Variants in MTFR1L observed in about 807,000 individuals in gnomAD.
The protein encoded by MTFR1L is mitochondrial fission regulator 1-like.
Under a neutral mutation model 27.9 loss-of-function variants are expected in MTFR1L, and 10 were observed. The observed-to-expected ratio is 0.36, with a 90% CI of 0.22 to 0.61. The LOEUF (loss-of-function observed/expected upper bound fraction) is 0.61. MTFR1L is among the 20% of genes least tolerant of loss of function. The probability of loss-of-function intolerance (pLI) is 0.73; values close to 1 mark genes in which losing one functional copy is unlikely to be tolerated. For missense variants in MTFR1L, 315 were observed against 363.7 expected (o/e 0.87, Z 1.09); for synonymous variants, 151 against 139.4 (o/e 1.08, Z -0.58).
Position 25,832,466 on chromosome 1 carries a change from T to C in MTFR1L, c.*440T>C. 2.6e-6 allele frequency: 1 copy of C among 388,890 alleles called. No individual in the cohort carries two copies. The highest frequency in any genetic ancestry group is 4.9e-6 in the Non-Finnish European group (1 of 206,122). 24.1% of individuals were successfully genotyped at this position (388,890 alleles called of 1,614,324 possible). On this transcript the variant is annotated 3_prime_UTR_variant, in exon 7 of 7. Transcript: ENST00000374303. Reference sequence around the variant, plus strand: ...GAGGGGAAGGGGCTATGAATGTTTGTATACATGTTCACAGGGCACGGAAAA... The same window carrying C: ...GAGGGGAAGGGGCTATGAATGTTTGCATACATGTTCACAGGGCACGGAAAA...
chr1:25,826,759 T>G lies in MTFR1L; in HGVS notation c.384T>G (p.Thr128=), dbSNP rs201253378. Residue 128 remains threonine (T), a synonymous_variant, in exon 5 of 7, where the codon ACT becomes ACG. Coordinates refer to ENST00000374303, the MANE Select transcript of MTFR1L (RefSeq NM_001099625.2). The surrounding 1 kb of genome is among the most constrained non-coding windows in gnomAD (Gnocchi z 4.1). ...KKPALPALSR[T]TELQDELSHL... ...CAGCTCTGCCAGCCCTAAGCCGCAC[T>G]ACTGAGCTGCAGGACGAGCTGAGCC... 2.7e-4 allele frequency: 439 copies of G among 1,614,134 alleles called. No individual in the cohort carries two copies. Among genetic ancestry groups the G allele is most frequent in the East Asian group, 1.2e-3 (54 of 44,870 alleles).
In MTFR1L at chr1:25,832,477, A is replaced by G; in HGVS notation, c.*451A>G. ...GCTATGAATGTTTGTATACATGTTC[A>G]CAGGGCACGGAAAATCTTATGCTGC... On this transcript the variant is annotated 3_prime_UTR_variant, in exon 7 of 7. Transcript: ENST00000374303. 3.0e-6 allele frequency: 1 copy of G among 328,894 alleles called. No homozygotes were observed. The allele number at this position is 328,894 out of a possible 1,614,324, so 20.4% of individuals were successfully genotyped here. A position where few individuals can be genotyped will look rare whatever the true frequency, so the allele number is the denominator to read the frequency against.
intron 1 of MTFR1L, 82 bp from the exon 2 acceptor site, chr1:25,822,937 G>GT (rs2124471899): frequency 1.6e-6 from 2 of 1,268,788 alleles, no homozygotes; most frequent in Admixed American, 1.8e-5. Context: ...GCAGGGCCTG[G>GT]TTTTTTGGGG....
Position 25,823,738 on chromosome 1 carries a change from C to A in MTFR1L, c.119C>A (p.Ala40Glu). The A allele has an allele frequency of 1.9e-6, 3 of 1,613,824 alleles. No homozygotes were observed. Among genetic ancestry groups the A allele is most frequent in the Non-Finnish European group, 2.5e-6 (3 of 1,179,888 alleles). ...TNLPLKPCAR[A>E]SFETLPNISD... ...CTACCCTTGAAGCCGTGTGCCCGGG[C>A]GTCCTTTGAGGTGAGTATGTTGGAA... The change falls in exon 3 of 7, where the codon GCG (alanine) becomes GAG (glutamate). Residue 40 changes from alanine (A) to glutamate (E), a missense_variant. Transcript: ENST00000374303.
intron 5 of MTFR1L, among the ~76,000 whole-genome samples, chr1:25,829,270 G>C (rs72879405): frequency 0.012 from 1,884 of 152,232 alleles, 41 homozygotes; most frequent in African/African-American, 0.043. Context: ...TATGGGGCTG[G>C]GTTTTCCTGC....
Position 25,823,671 on chromosome 1 carries a change from C to G in MTFR1L, c.52C>G (p.His18Asp). The change falls in exon 3 of 7, where the codon CAT becomes GAT. Residue 18 changes from histidine (H) to aspartate (D), a missense_variant. Coordinates refer to ENST00000374303, the MANE Select transcript of MTFR1L (RefSeq NM_001099625.2). ...CATCCCAATCTGGCAAAACAAGCCA[C>G]ATGGGGCTGCTCGAAGTGTAGTAAG... is the stretch of plus-strand genomic sequence containing the variant. ...VTIPIWQNKP[H>D]GAARSVVRRI... The G allele has an allele frequency of 6.2e-7, 1 of 1,614,066 alleles. No homozygotes were observed. The highest frequency in any genetic ancestry group is 2.2e-5 in the East Asian group (1 of 44,874).
rs1482548247 is a variant in MTFR1L, at chr1:25,826,795, C to G, written c.420C>G (p.Ser140Arg). 1 of 1,614,084 alleles carries G rather than the reference C, an allele frequency of 6.2e-7. No individual in the cohort carries two copies. Among genetic ancestry groups the G allele is most frequent in the Admixed American group, 1.7e-5 (1 of 60,034 alleles). The change falls in exon 5 of 7, where the codon AGC becomes AGG. Residue 140 changes from serine (S) to arginine (R), a missense_variant. Ser to Arg is a moderately radical substitution (Grantham distance 110). Coordinates refer to ENST00000374303, the MANE Select transcript of MTFR1L (RefSeq NM_001099625.2). The surrounding 1 kb of genome is among the most constrained non-coding windows in gnomAD (Gnocchi z 4.1). Reference sequence around the variant, plus strand: ...AGGACGAGCTGAGCCACTTGCGCAGCCAGATTGCAAAGATAGTGGCAGCTG... The same window carrying G: ...AGGACGAGCTGAGCCACTTGCGCAGGCAGATTGCAAAGATAGTGGCAGCTG... ...ELQDELSHLR[S>R]QIAKIVAADA...
chr1:25,820,419 G>A (rs1213597847), intron 1 of MTFR1L: 1 of 437,970 alleles, frequency 2.3e-6, no homozygotes, highest in South Asian at 1.6e-5. Context: ...GCCCAGGTCG[G>A]GTCGTCTGCC....
chr1:25,829,639 G>A lies in MTFR1L; in HGVS notation c.582G>A (p.Glu194=), dbSNP rs1266900253. The change falls in exon 6 of 7, where the codon GAG becomes GAA. Residue 194 remains glutamate, a synonymous_variant. Transcript: ENST00000374303. The part of the protein sequence containing the change: ...FVISDITEET[E]VEVPELPSVP... ...TTAGTGACATCACCGAGGAGACAGA[G>A]GTGGAGGTCCCTGAGCTTCCATCAG... 1 of 1,614,218 alleles carries A rather than the reference G, an allele frequency of 6.2e-7. No individual in the cohort carries two copies. The highest frequency in any genetic ancestry group is 1.7e-5 in the Admixed American group (1 of 60,026).
In MTFR1L at chr1:25,826,617, G is replaced by A. The variant is rs1334145058; in HGVS notation, c.242G>A (p.Ser81Asn). The change falls in exon 5 of 7, where the codon AGT (serine) becomes AAT (asparagine). Residue 81 changes from serine (S) to asparagine (N), a missense_variant and splice_region_variant. Transcript: ENST00000374303. The surrounding 1 kb of genome is among the most constrained non-coding windows in gnomAD (Gnocchi z 4.1). ...CTACTTGGTTTTCCCTGGTCCAGGA[G>A]TGATACGCGCCCCCTGAGGCACACC... Reference protein sequence around the residue: ...DEEETYARVRSDTRPLRHTWK... With the variant: ...DEEETYARVRNDTRPLRHTWK... 1 of 1,614,076 alleles carries A rather than the reference G, an allele frequency of 6.2e-7. No homozygotes were observed. The highest frequency in any genetic ancestry group is 1.3e-5 in the African/African-American group (1 of 74,922).
At chr1:25,828,228 A>G (rs1177790921) in intron 5 of MTFR1L, among the ~76,000 whole-genome samples, 1 of 152,156 alleles carries the variant, frequency 6.6e-6, no homozygotes, top group East Asian at 1.9e-4. Context: ...ATGTTTTCTT[A>G]TCTCAAATTG....
chr1:25,832,075 A>G lies in MTFR1L; in HGVS notation c.*49A>G, dbSNP rs1399218869. ...GTCTCATGCTCCTGGAATACCTTCA[A>G]TAGCTGCCTTCCTCACCGCAGATGT... On this transcript the variant is annotated 3_prime_UTR_variant, in exon 7 of 7. Coordinates refer to ENST00000374303, the MANE Select transcript of MTFR1L (RefSeq NM_001099625.2). The G allele has an allele frequency of 6.2e-6, 10 of 1,613,672 alleles. No homozygotes were observed. Among genetic ancestry groups the G allele is most frequent in the African/African-American group, 1.3e-5 (1 of 75,070 alleles).
chr1:25,829,879 A>G (rs1318926473), intron 6 of MTFR1L, 49 bp downstream of exon 6: 1 of 1,450,752 alleles, frequency 6.9e-7, no homozygotes, highest in African/African-American at 1.4e-5. Flanking sequence ...AGAGTTGCCC[A>G]TGGCCAATTA....
chr1:25,823,648 T>C lies in MTFR1L; in HGVS notation c.29T>C (p.Ile10Thr). The change falls in exon 3 of 7, where the codon ATC (isoleucine) becomes ACC (threonine). Residue 10 changes from isoleucine to threonine, a missense_variant. By Grantham distance (89) the Ile-to-Thr change is moderately conservative (BLOSUM62 -1). Coordinates refer to ENST00000374303, the MANE Select transcript of MTFR1L (RefSeq NM_001099625.2). MSGMEATVTIPIWQNKPHGA... is the reference protein window; with the variant it reads MSGMEATVTTPIWQNKPHGA... Reference sequence around the variant, plus strand: ...GTCTCCGTCTCTTTGCTCCAGACCATCCCAATCTGGCAAAACAAGCCACAT... The same window carrying C: ...GTCTCCGTCTCTTTGCTCCAGACCACCCCAATCTGGCAAAACAAGCCACAT... 6.2e-7 allele frequency: 1 copy of C among 1,613,702 alleles called. No individual in the cohort carries two copies. Among genetic ancestry groups the C allele is most frequent in the African/African-American group, 1.3e-5 (1 of 74,980 alleles).
In MTFR1L at chr1:25,823,095, G is replaced by A; in HGVS notation, c.-10G>A. On this transcript the variant is annotated 5_prime_UTR_variant, in exon 2 of 7. Transcript: ENST00000374303. ...GCTGCCTTGTCCTTCAAGTGCAGGA[G>A]CTGGTTCAAATGTCAGGAATGGAAG... 1.2e-6 allele frequency: 2 copies of A among 1,614,228 alleles called. No homozygotes were observed. The highest frequency in any genetic ancestry group is 1.7e-6 in the Non-Finnish European group (2 of 1,180,030).
rs1484560834 is a variant in MTFR1L, at chr1:25,823,702, T to C, written c.83T>C (p.Ile28Thr). 6.2e-7 allele frequency: 1 copy of C among 1,614,050 alleles called. No individual in the cohort carries two copies. The highest frequency in any genetic ancestry group is 1.1e-5 in the South Asian group (1 of 91,082). ...HGAARSVVRR[I>T]GTNLPLKPCA... ...GCTGCTCGAAGTGTAGTAAGAAGAA[T>C]TGGGACCAACCTACCCTTGAAGCCG... Residue 28 changes from isoleucine (I) to threonine (T), a missense_variant, in exon 3 of 7, where the codon ATT (isoleucine) becomes ACT (threonine). Ile to Thr is a moderately conservative substitution (Grantham distance 89, BLOSUM62 -1). Coordinates refer to ENST00000374303, the MANE Select transcript of MTFR1L (RefSeq NM_001099625.2).
At chr1:25,820,700 ATCT>A (rs907381272) in intron 1 of MTFR1L, 16 of 431,834 alleles carry the variant, frequency 3.7e-5, no homozygotes, top group African/African-American at 6.3e-5. Flanking sequence ...CCGGGGGAAG[ATCT>A]TCTAGCCAGT....
Position 25,826,580 on chromosome 1 carries a change from T to C in MTFR1L, c.240-35T>C. On this transcript the variant is annotated intron_variant, in intron 4 of 6. Transcript: ENST00000374303. This position sits in a 1 kb window ranked among gnomAD's most constrained non-coding sequence, Gnocchi z 4.1. ...ACCTTAGGAGCACAGTGGCCTGCTG[T>C]CTCTAACTGATCTACTTGGTTTTCC... is the stretch of plus-strand genomic sequence containing the variant. 1 of 1,612,778 alleles carries C rather than the reference T, an allele frequency of 6.2e-7. No homozygotes were observed. The highest frequency in any genetic ancestry group is 8.5e-7 in the Non-Finnish European group (1 of 1,178,846).
At chr1:25,823,509 G>A (rs2048126860) in intron 2 of MTFR1L, 135 bp from the exon 3 acceptor site, 2 of 1,407,764 alleles carry the variant, frequency 1.4e-6, no homozygotes, top group African/African-American at 2.9e-5. Flanking sequence ...ATAATTGAGA[G>A]TTGACTTGCC....
Sources: gnomAD v4.1 joint callset for allele counts (sites outside exome capture counted in the v4.1 genomes callset) on GRCh38, gnomAD v4.1.1 for gene constraint, Gnocchi (gnomAD v3.1) non-coding constraint, MANE v1.5 for transcripts, NCBI Gene and HGNC (gene_info 2026-07-23, HGNC 2026-07-21) for gene names.